The following SLX4IP variants were observed in gnomAD, a reference collection of about 807,000 sequenced individuals.
SLX4IP encodes protein SLX4IP.
SLX4IP carries 34 observed loss-of-function variants against 32.9 expected under a neutral mutation model. That is an observed-to-expected ratio of 1.03 (90% CI 0.79 to 1.38). The LOEUF (loss-of-function observed/expected upper bound fraction) is 1.38. SLX4IP is among the 40% of genes most tolerant of loss of function. The pLI, the probability that SLX4IP is intolerant of heterozygous loss-of-function variation, is 0.00. For synonymous variants in SLX4IP, 172 were observed against 171.7 expected (o/e 1.00, Z -0.01); for missense variants, 444 against 479.0 (o/e 0.93, Z 0.68).
At chr20:10,604,513 G>A in intron 6 of SLX4IP, among the ~76,000 whole-genome samples, 1 of 152,202 alleles carries the variant, frequency 6.6e-6, no homozygotes, top group East Asian at 1.9e-4. Context: ...GAAGCCAGCT[G>A]CACTTAGCTC....
At chr20:10,477,208 A>G (rs2065482585) in intron 2 of SLX4IP, among the ~76,000 whole-genome samples, 1 of 151,880 alleles carries the variant, frequency 6.6e-6, no homozygotes, top group African/African-American at 2.4e-5. Context: ...TTTTAGTGGC[A>G]TGATTTCGGC....
At chr20:10,501,169 T>G (rs2065714955) in intron 2 of SLX4IP, among the ~76,000 whole-genome samples, 1 of 152,118 alleles carries the variant, frequency 6.6e-6, no homozygotes, top group Non-Finnish European at 1.5e-5. Flanking sequence ...CAAAAATAGG[T>G]GAAAAACATT....
At chr20:10,528,302 G>T (rs537900721) in intron 2 of SLX4IP, among the ~76,000 whole-genome samples, 1 of 152,178 alleles carries the variant, frequency 6.6e-6, no homozygotes, top group African/African-American at 2.4e-5. Context: ...GACCTTCTGT[G>T]GGTCCATTTA....
At chr20:10,613,897 T>C (rs1412449932) in intron 6 of SLX4IP, 3 of 1,490,182 alleles carry the variant, frequency 2.0e-6, no homozygotes, top group African/African-American at 1.4e-5. Flanking sequence ...TCTAAAGATA[T>C]CTTTTTAAAG....
At chr20:10,487,294 A>G (rs2065583104) in intron 2 of SLX4IP, among the ~76,000 whole-genome samples, 1 of 152,170 alleles carries the variant, frequency 6.6e-6, no homozygotes, top group Non-Finnish European at 1.5e-5. Flanking sequence ...TAAAGGCCTT[A>G]ATGGAAAAGG....
chr20:10,607,843 T>A (rs1397671413), intron 6 of SLX4IP, among the ~76,000 whole-genome samples: 1 of 152,194 alleles, frequency 6.6e-6, no homozygotes. Context: ...TAACCTGAGT[T>A]CTCTTTTGTT....
intron 1 of SLX4IP, among the ~76,000 whole-genome samples, chr20:10,440,066 A>G (rs2065148041): frequency 6.6e-6 from 1 of 152,058 alleles, no homozygotes; most frequent in South Asian, 2.1e-4. Context: ...GAATATGGCT[A>G]TTACAATATC....
intron 6 of SLX4IP, among the ~76,000 whole-genome samples, chr20:10,619,009 A>G (rs770732632): frequency 3.9e-5 from 6 of 152,124 alleles, no homozygotes; most frequent in Non-Finnish European, 5.9e-5. Context: ...AATTGACCCT[A>G]GAAATGTTAG....
chr20:10,452,680 A>ATAT (rs1555805196), intron 1 of SLX4IP, among the ~76,000 whole-genome samples: 5,124 of 109,222 alleles, frequency 0.047, 173 homozygotes, highest in Non-Finnish European at 0.056. Context: ...AAAAAAAAAA[A>ATAT]ATATATATAT....
chr20:10,490,449 A>G (rs181332126), intron 2 of SLX4IP, among the ~76,000 whole-genome samples: 59 of 152,230 alleles, frequency 3.9e-4, no homozygotes, highest in African/African-American at 1.3e-3. Flanking sequence ...TGGGTTAAAA[A>G]TAAGTCATCC....
chr20:10,444,114 AG>A (rs536582993), intron 1 of SLX4IP, among the ~76,000 whole-genome samples: 20 of 147,910 alleles, frequency 1.4e-4, no homozygotes, highest in Non-Finnish European at 1.7e-4. Context: ...AGTTTTGAAT[AG>A]GGGACTTATG....
intron 1 of SLX4IP, among the ~76,000 whole-genome samples, chr20:10,451,945 G>T (rs893088036): frequency 2.0e-5 from 3 of 152,048 alleles, no homozygotes; most frequent in Admixed American, 6.6e-5. Flanking sequence ...TCCAGCCCTG[G>T]TGACAGAGTG....
intron 2 of SLX4IP, among the ~76,000 whole-genome samples, chr20:10,536,017 C>T (rs1280716900): frequency 1.3e-5 from 2 of 152,118 alleles, no homozygotes; most frequent in African/African-American, 2.4e-5. Flanking sequence ...AAATGAGCGC[C>T]GGAGACTCCA....
chr20:10,471,891 C>T (rs1413799156), intron 2 of SLX4IP, among the ~76,000 whole-genome samples: 1 of 152,204 alleles, frequency 6.6e-6, no homozygotes, highest in Non-Finnish European at 1.5e-5. Context: ...ACTCAGTAAT[C>T]TGGCTTGAGC....
intron 3 of SLX4IP, among the ~76,000 whole-genome samples, chr20:10,558,362 AC>A (rs1315801083): frequency 1.9e-3 from 215 of 112,844 alleles, no homozygotes; most frequent in African/African-American, 4.9e-3. Context: ...AAAAAAAAAA[AC>A]AATTCGCTGA....
chr20:10,577,591 C>T (rs2066536516), intron 4 of SLX4IP, among the ~76,000 whole-genome samples: 1 of 152,176 alleles, frequency 6.6e-6, no homozygotes. Context: ...TGTGACAGCA[C>T]GTACCTCTAG....
chr20:10,439,208 C>T (rs6039934), intron 1 of SLX4IP, among the ~76,000 whole-genome samples: 4,881 of 152,056 alleles, frequency 0.032, 119 homozygotes, highest in East Asian at 0.086. Context: ...TAATTAAAAA[C>T]GTTTTTTTCT....
chr20:10,515,942 A>G lies in SLX4IP; in HGVS notation c.28-40289A>G, dbSNP rs115299271. Among the ~76,000 whole-genome samples, 902 of 152,240 alleles carry G rather than the reference A, an allele frequency of 5.9e-3. 7 individuals carry two copies. The highest frequency in any genetic ancestry group is 0.021 in the African/African-American group (854 of 41,516). On this transcript the variant is annotated intron_variant, in intron 2 of 7. Coordinates refer to ENST00000334534, the MANE Select transcript of SLX4IP (RefSeq NM_001009608.3). ...CTTGCTCTGTTACCTGGGTTGGAGTACACTGGCGTGATCATAGCTCACTGT... is the reference window on the plus strand; with the variant it reads ...CTTGCTCTGTTACCTGGGTTGGAGTGCACTGGCGTGATCATAGCTCACTGT...
chr20:10,476,996 CT>C (rs2065480114), intron 2 of SLX4IP, among the ~76,000 whole-genome samples: 2 of 152,174 alleles, frequency 1.3e-5, no homozygotes, highest in African/African-American at 4.8e-5. Flanking sequence ...GTCTTAGCTC[CT>C]TCCTTCAGTC....
Sources: gnomAD v4.1 joint callset for allele counts (sites outside exome capture counted in the v4.1 genomes callset) on GRCh38, gnomAD v4.1.1 for gene constraint, MANE v1.5 for transcripts, NCBI Gene and HGNC (gene_info 2026-07-23, HGNC 2026-07-21) for gene names.